The following KDELR2 variants were observed in gnomAD, a reference collection of about 807,000 sequenced individuals.
KDELR2 encodes the protein ER lumen protein-retaining receptor 2.
In KDELR2, 15 loss-of-function variants were observed where a neutral mutation model predicts 23.9. The ratio of observed to expected loss-of-function variants is 0.63; its 90% CI spans 0.42 to 0.97. KDELR2 has a LOEUF of 0.97. Ranked by LOEUF, KDELR2 falls within the 50% of genes least tolerant of loss-of-function variation. The pLI is 0.00. For missense variants in KDELR2, 272 were observed against 254.6 expected (o/e 1.07, Z -0.46); for synonymous variants, 119 against 106.2 (o/e 1.12, Z -0.74).
intron 1 of KDELR2, among the ~76,000 whole-genome samples, chr7:6,482,065 C>T (rs1375471749): frequency 3.3e-5 from 5 of 152,022 alleles, no homozygotes; most frequent in Non-Finnish European, 5.9e-5. Flanking sequence ...TGCAATGGCG[C>T]GATCTCAGCT....
intron 1 of KDELR2, among the ~76,000 whole-genome samples, chr7:6,478,154 C>T (rs1026861799): frequency 5.9e-5 from 9 of 151,714 alleles, no homozygotes; most frequent in Non-Finnish European, 1.0e-4. Context: ...TTTGCTTGCC[C>T]GCCCCCCGGT....
chr7:6,462,950 G>T lies in KDELR2; in HGVS notation c.*191C>A, dbSNP rs549689882. The stretch of plus-strand genomic sequence containing the variant: ...ATCTTTGTACACAGTAATAAAAAAA[G>T]ATAAGGCAAGATGCATTAAACAGAA... On this transcript the variant is annotated 3_prime_UTR_variant, in exon 5 of 5. Coordinates refer to ENST00000258739, the MANE Select transcript of KDELR2 (RefSeq NM_006854.4). 3.1e-6 allele frequency: 5 copies of T among 1,593,934 alleles called. No homozygotes were observed. In the African/African-American group the frequency reaches 5.4e-5, roughly 17 times the overall value.
At chr7:6,483,074 A>C (rs1407280024) in intron 1 of KDELR2, among the ~76,000 whole-genome samples, 3 of 152,124 alleles carry the variant, frequency 2.0e-5, no homozygotes, top group Non-Finnish European at 4.4e-5. Context: ...GTAAAAGTCC[A>C]AAACTATTAT....
chr7:6,480,374 G>A (rs57537102), intron 1 of KDELR2, among the ~76,000 whole-genome samples: 1,587 of 152,284 alleles, frequency 0.01, 24 homozygotes, highest in African/African-American at 0.037. Context: ...TGAGCATACC[G>A]TGGATCGAGC....
chr7:6,473,954 A>C (rs1485628225), intron 2 of KDELR2: 1 of 364,626 alleles, frequency 2.7e-6, no homozygotes, highest in Admixed American at 4.4e-5. Flanking sequence ...TTCTAACTTC[A>C]AAGTATTTTA....
chr7:6,482,159 C>A (rs991607808), intron 1 of KDELR2, among the ~76,000 whole-genome samples: 1 of 152,074 alleles, frequency 6.6e-6, no homozygotes, highest in Non-Finnish European at 1.5e-5. Context: ...TGCACCACCA[C>A]GCCCGGCTAA....
At chr7:6,483,084 T>C (rs530191521) in intron 1 of KDELR2, among the ~76,000 whole-genome samples, 1 of 152,238 alleles carries the variant, frequency 6.6e-6, no homozygotes, top group Admixed American at 6.5e-5. Flanking sequence ...AAAACTATTA[T>C]CTGGGAAAGA....
Position 6,466,092 on chromosome 7 carries a change from A to G in KDELR2, c.583T>C (p.Phe195Leu), listed in dbSNP as rs772981366. 2 of 1,614,144 alleles carry G rather than the reference A, an allele frequency of 1.2e-6. No individual in the cohort carries two copies. Among genetic ancestry groups the G allele is most frequent in the Non-Finnish European group, 1.7e-6 (2 of 1,180,020 alleles). Residue 195 changes from phenylalanine (F) to leucine (L), a missense_variant, in exon 4 of 5, where the codon TTC becomes CTC. Coordinates refer to ENST00000258739, the MANE Select transcript of KDELR2 (RefSeq NM_006854.4). ...ATACCTTTTGTAATGTACAAGTAGAAGAAGTCACAGTATAGGATGGTCTGG... is the reference window on the plus strand; with the variant it reads ...ATACCTTTTGTAATGTACAAGTAGAGGAAGTCACAGTATAGGATGGTCTGG... Reference protein sequence around the residue: ...VVQTILYCDFFYLYITKVLKG... With the variant: ...VVQTILYCDFLYLYITKVLKG...
intron 1 of KDELR2, among the ~76,000 whole-genome samples, chr7:6,481,969 GTTTATTTATTTATTTA>G (rs66801708): frequency 0.12 from 18,228 of 147,196 alleles, 1,299 homozygotes; most frequent in Non-Finnish European, 0.15. Flanking sequence ...TCCTAAGGTC[GTTTATTTATTTATTTA>G]TTTATTTATT....
intron 2 of KDELR2, among the ~76,000 whole-genome samples, chr7:6,473,398 G>A (rs928614168): frequency 2.6e-5 from 4 of 152,138 alleles, no homozygotes; most frequent in African/African-American, 9.7e-5. Context: ...TCACAAGCAT[G>A]AATTCAACAC....
intron 3 of KDELR2, 139 bp downstream of exon 3, chr7:6,469,457 A>G (rs1317813566): frequency 2.8e-6 from 2 of 707,074 alleles, no homozygotes; most frequent in Non-Finnish European, 4.8e-6. Context: ...GTGTTGCACC[A>G]TGTTGGCCAG....
intron 3 of KDELR2, among the ~76,000 whole-genome samples, chr7:6,466,753 A>G (rs748153214): frequency 3.3e-5 from 5 of 151,732 alleles, no homozygotes; most frequent in Non-Finnish European, 5.9e-5. Context: ...TTAGATTTTC[A>G]TAAGGAGCAT....
intron 1 of KDELR2, among the ~76,000 whole-genome samples, chr7:6,474,953 A>G (rs566324085): frequency 1.6e-4 from 25 of 152,284 alleles, no homozygotes; most frequent in South Asian, 8.3e-4. Flanking sequence ...TTTGTATGGT[A>G]AAACAGTATC....
rs1328710222 is a variant in KDELR2, at chr7:6,469,742, C to T, written c.205G>A (p.Ala69Thr). Residue 69 changes from alanine (A) to threonine (T), a missense_variant, in exon 3 of 5, where the codon GCC becomes ACC. Coordinates refer to ENST00000258739, the MANE Select transcript of KDELR2 (RefSeq NM_006854.4). ...AGGTACACTGTGGCATAGGAGCAGGCAAGGTAGATAACCTACAAATAAAAG... is the reference window on the plus strand; with the variant it reads ...AGGTACACTGTGGCATAGGAGCAGGTAAGGTAGATAACCTACAAATAAAAG... Reference protein sequence around the residue: ...YNTSMKVIYLACSYATVYLIY... With the variant: ...YNTSMKVIYLTCSYATVYLIY... 3.1e-6 allele frequency: 5 copies of T among 1,612,608 alleles called. No individual in the cohort carries two copies. Among genetic ancestry groups the T allele is most frequent in the Admixed American group, 3.4e-5 (2 of 59,672 alleles).
At chr7:6,478,858 G>A (rs556432770) in intron 1 of KDELR2, among the ~76,000 whole-genome samples, 25 of 151,952 alleles carry the variant, frequency 1.6e-4, no homozygotes, top group Admixed American at 6.6e-4. Flanking sequence ...GTGCGATCTC[G>A]GCTCACTGCA....
Position 6,483,115 on chromosome 7 carries a change from C to CT in KDELR2, c.91+851_91+852insA, listed in dbSNP as rs1156587429. Reference sequence around the variant, plus strand: ...AAAGACTCGTTTCACTGCCGCCTAGCAGTGCCTGCATGAAATCTGTACTCT... The same window carrying CT: ...AAAGACTCGTTTCACTGCCGCCTAGCTAGTGCCTGCATGAAATCTGTACTCT... On this transcript the variant is annotated intron_variant, in intron 1 of 4. Coordinates refer to ENST00000258739, the MANE Select transcript of KDELR2 (RefSeq NM_006854.4). Among the ~76,000 whole-genome samples, 5 of 152,194 alleles carry CT rather than the reference C, an allele frequency of 3.3e-5. No homozygotes were observed. The East Asian group carries it at 7.7e-4, about 23-fold the overall frequency.
chr7:6,465,544 C>A (rs563550809), intron 4 of KDELR2, among the ~76,000 whole-genome samples: 16 of 151,924 alleles, frequency 1.1e-4, no homozygotes, highest in Non-Finnish European at 1.8e-4. Flanking sequence ...AAAGTTCACA[C>A]GTCCTATGTT....
In KDELR2 at chr7:6,474,177, A is replaced by C; in HGVS notation, c.192+7T>G. The C allele has an allele frequency of 6.4e-7, 1 of 1,552,964 alleles. No individual in the cohort carries two copies. The highest frequency in any genetic ancestry group is 8.9e-7 in the Non-Finnish European group (1 of 1,124,378). ...TGAAATACATTCCTGTGGATGGCAT[A>C]CCATACCTTCATAGATGTGTTATAC... On this transcript the variant is annotated splice_region_variant and intron_variant, in intron 2 of 4. Transcript: ENST00000258739.
intron 2 of KDELR2, among the ~76,000 whole-genome samples, chr7:6,472,157 A>G (rs185790038): frequency 1.3e-4 from 20 of 151,782 alleles, no homozygotes; most frequent in African/African-American, 4.6e-4. Context: ...CAAAATCTAC[A>G]TGCATAAACA....
Sources: allele counts gnomAD v4.1 joint callset (sites outside exome capture counted in the v4.1 genomes callset), GRCh38; gene constraint gnomAD v4.1.1; transcripts MANE v1.5; gene names NCBI Gene and HGNC (gene_info 2026-07-23, HGNC 2026-07-21).